Variants in HTR2C observed in about 807,000 individuals in gnomAD.
HTR2C encodes the protein 5-hydroxytryptamine receptor 2C.
Under a neutral mutation model 21.0 loss-of-function variants are expected in HTR2C, and 5 were observed. The ratio of observed to expected loss-of-function variants is 0.24; its 90% CI spans 0.12 to 0.50. The LOEUF is 0.50. HTR2C is among the 20% of genes least tolerant of loss of function. The pLI, the probability that HTR2C is intolerant of heterozygous loss-of-function variation, is 0.98. For missense variants in HTR2C, 271 were observed against 371.2 expected (o/e 0.73, Z 2.22); for synonymous variants, 150 against 145.3 (o/e 1.03, Z -0.23).
chrX:114,888,893 C>T (rs1602918133), intron 5 of HTR2C, among the ~76,000 whole-genome samples: 1 of 111,551 alleles, frequency 9.0e-6, no homozygotes, highest in East Asian at 2.8e-4. Flanking sequence ...CACATATTTA[C>T]CTTCAGTTCA....
chrX:114,798,867 G>A (rs1256205892), intron 4 of HTR2C, among the ~76,000 whole-genome samples: 1 of 110,531 alleles, frequency 9.0e-6, no homozygotes, highest in Non-Finnish European at 1.9e-5. Flanking sequence ...TAAAACATTA[G>A]GAAACATCTC....
At chrX:114,657,282 CAT>C (rs1296237456) in intron 2 of HTR2C, among the ~76,000 whole-genome samples, 9 of 110,496 alleles carry the variant, frequency 8.1e-5, no homozygotes, top group Non-Finnish European at 9.5e-5. Context: ...AATATTTAGA[CAT>C]GTGACATTTT....
intron 4 of HTR2C, among the ~76,000 whole-genome samples, chrX:114,774,074 A>G (rs926189270): frequency 6.2e-5 from 7 of 112,433 alleles, no homozygotes; most frequent in African/African-American, 2.3e-4. Flanking sequence ...CTTTGTCAGC[A>G]CTGAACAAAA....
At chrX:114,890,225 C>T (rs1413766640) in intron 5 of HTR2C, among the ~76,000 whole-genome samples, 1 of 111,842 alleles carries the variant, frequency 8.9e-6, no homozygotes, top group South Asian at 3.7e-4. Context: ...TTCATCTCTA[C>T]TTACTTCTTA....
chrX:114,866,619 G>C (rs782232998), intron 5 of HTR2C, among the ~76,000 whole-genome samples: 1 of 105,951 alleles, frequency 9.4e-6, no homozygotes, highest in Non-Finnish European at 1.9e-5. Context: ...TTTTGTACCC[G>C]TTAACCATCC....
intron 2 of HTR2C, among the ~76,000 whole-genome samples, chrX:114,631,107 C>T (rs781881438): frequency 1.8e-5 from 2 of 111,345 alleles, no homozygotes; most frequent in South Asian, 3.8e-4. Flanking sequence ...AGATCAAGGC[C>T]ATGCTGGCCA....
At chrX:114,850,586 G>C (rs1341468320) in intron 5 of HTR2C, among the ~76,000 whole-genome samples, 1 of 111,238 alleles carries the variant, frequency 9.0e-6, no homozygotes. Flanking sequence ...AGCATCACTT[G>C]AACTCAAGTG....
At chrX:114,863,373 T>C (rs782349592) in intron 5 of HTR2C, among the ~76,000 whole-genome samples, 2 of 111,676 alleles carry the variant, frequency 1.8e-5, no homozygotes, top group African/African-American at 6.5e-5. Context: ...CAAGATATTT[T>C]TTAGTTTCCC....
intron 5 of HTR2C, chrX:114,900,333 G>T (rs1349277216): frequency 9.1e-6 from 2 of 220,279 alleles, no homozygotes; most frequent in Admixed American, 9.3e-5. Context: ...GGGGTGGCAG[G>T]TATTAGGGAT....
intron 4 of HTR2C, among the ~76,000 whole-genome samples, chrX:114,805,937 T>C (rs868972122): frequency 2.1e-4 from 4 of 18,936 alleles, no homozygotes; most frequent in Admixed American, 1.2e-3. Context: ...ACCATATATA[T>C]ACCATATATA....
chrX:114,691,105 G>A (rs1032362043), intron 2 of HTR2C, among the ~76,000 whole-genome samples: 5 of 110,965 alleles, frequency 4.5e-5, no homozygotes, highest in Admixed American at 3.9e-4. Flanking sequence ...TGAGTGTCTT[G>A]TAGAACAAAG....
At chrX:114,811,705 G>A (rs1294602634) in intron 4 of HTR2C, among the ~76,000 whole-genome samples, 9 of 112,251 alleles carry the variant, frequency 8.0e-5, no homozygotes, top group African/African-American at 2.9e-4. Flanking sequence ...GTATCTAAAT[G>A]CATAGTCTGA....
intron 4 of HTR2C, among the ~76,000 whole-genome samples, chrX:114,844,409 A>C (rs1338097373): frequency 8.9e-6 from 1 of 111,799 alleles, no homozygotes; most frequent in African/African-American, 3.2e-5. Context: ...CCCTACAAAA[A>C]AATCAGTTAA....
At chrX:114,875,353 T>C (rs782126457) in intron 5 of HTR2C, among the ~76,000 whole-genome samples, 1 of 111,878 alleles carries the variant, frequency 8.9e-6, no homozygotes, top group African/African-American at 3.2e-5. Flanking sequence ...TTCCATGCCA[T>C]AGGTTGCCTT....
At chrX:114,822,708 GGTTT>G (rs1163860096) in intron 4 of HTR2C, among the ~76,000 whole-genome samples, 6 of 111,457 alleles carry the variant, frequency 5.4e-5, no homozygotes, top group African/African-American at 1.6e-4. Context: ...GAAAATCTAG[GGTTT>G]GTTTGTTTGT....
intron 2 of HTR2C, among the ~76,000 whole-genome samples, chrX:114,622,264 C>G (rs782415030): frequency 9.0e-6 from 1 of 111,267 alleles, no homozygotes; most frequent in Non-Finnish European, 1.9e-5. Flanking sequence ...ACTGACTTTG[C>G]TGATAAGCTA....
intron 2 of HTR2C, among the ~76,000 whole-genome samples, chrX:114,708,093 A>G (rs1338425658): frequency 9.0e-6 from 1 of 111,575 alleles, no homozygotes; most frequent in Non-Finnish European, 1.9e-5. Context: ...AAAGTAATCA[A>G]TGTTAACTAT....
intron 4 of HTR2C, among the ~76,000 whole-genome samples, chrX:114,796,475 T>C (rs1248978629): frequency 2.7e-5 from 3 of 111,244 alleles, no homozygotes; most frequent in African/African-American, 9.8e-5. Context: ...GAGATGGATA[T>C]GCATGGATTC....
rs192699449 is a variant in HTR2C, at chrX:114,654,849, A to G, written c.-80+40968A>G. On this transcript the variant is annotated intron_variant, in intron 2 of 5. Transcript: ENST00000276198. ...CAGGGAAAGCTTCCTAGAGGAGGTG[A>G]TGTCAGTATTGTATTTCTCCTGCCT... Among the ~76,000 whole-genome samples the G allele has an allele frequency of 3.6e-5, 4 of 110,496 alleles. No individual in the cohort carries two copies. In the Admixed American group the frequency reaches 3.9e-4, roughly 11 times the overall value.
Sources: allele counts gnomAD v4.1 joint callset (sites outside exome capture counted in the v4.1 genomes callset), GRCh38; gene constraint gnomAD v4.1.1; transcripts MANE v1.5; gene names NCBI Gene and HGNC (gene_info 2026-07-23, HGNC 2026-07-21).